The following AGMO variants were observed in gnomAD, a reference collection of about 807,000 sequenced individuals.
The protein encoded by AGMO is glyceryl-ether monooxygenase.
In AGMO, 75 loss-of-function variants were observed where a neutral mutation model predicts 60.2. The observed-to-expected ratio is 1.25, with a 90% CI of 1.03 to 1.51. The LOEUF (loss-of-function observed/expected upper bound fraction) is 1.51. AGMO is among the 40% of genes most tolerant of loss of function. AGMO has a pLI of 0.00. For synonymous variants in AGMO, 261 were observed against 177.1 expected (o/e 1.47, Z -3.76); for missense variants, 763 against 525.5 (o/e 1.45, Z -4.42).
At chr7:15,149,655 C>G in the AGMO span, among the ~76,000 whole-genome samples, 1 of 152,054 alleles carries the variant, frequency 6.6e-6, no homozygotes, top group African/African-American at 2.4e-5. Flanking sequence ...GTTCTCTAAC[C>G]TGTTCTATTG....
intron 3 of AGMO, among the ~76,000 whole-genome samples, chr7:15,457,624 T>C (rs1782032128): frequency 6.6e-6 from 1 of 152,196 alleles, no homozygotes; most frequent in South Asian, 2.1e-4. Flanking sequence ...GCCTCCAATT[T>C]GATTAATAAG....
chr7:15,293,062 T>C (rs1236870868), intron 12 of AGMO, among the ~76,000 whole-genome samples: 1 of 151,992 alleles, frequency 6.6e-6, no homozygotes, highest in Non-Finnish European at 1.5e-5. Context: ...TGCATCCGGC[T>C]CTTCCTCCAG....
rs1328121863 is a variant in AGMO at position 15,406,927 on chromosome 7, A to ATG, written c.609+11630_609+11631insCA. The stretch of plus-strand genomic sequence containing the variant: ...AAAGGCCCCTTTGTTTGGAATACAC[A>ATG]CGCGCACACACACACACACACACAC... On this transcript the variant is annotated intron_variant, in intron 5 of 12. Transcript: ENST00000342526. Among the ~76,000 whole-genome samples, 78 of 126,920 alleles carry ATG rather than the reference A, an allele frequency of 6.1e-4. 3 individuals are homozygous for ATG. Among genetic ancestry groups the ATG allele is most frequent in the African/African-American group, 2.4e-3 (76 of 31,660 alleles). 83.3% of individuals were successfully genotyped at this position (126,920 alleles called of 152,430 possible).
the AGMO span, among the ~76,000 whole-genome samples, chr7:15,193,554 T>TA: frequency 6.6e-6 from 1 of 152,156 alleles, no homozygotes; most frequent in Non-Finnish European, 1.5e-5. Flanking sequence ...TTGGAACTCT[T>TA]ATTATATAAT....
At chr7:15,453,546 G>A (rs1428316171) in intron 3 of AGMO, among the ~76,000 whole-genome samples, 1 of 152,212 alleles carries the variant, frequency 6.6e-6, no homozygotes, top group East Asian at 1.9e-4. Context: ...TTCTAACACA[G>A]AGCTAGAGAT....
At chr7:15,403,770 AAAAAT>A (rs1214648490) in intron 5 of AGMO, among the ~76,000 whole-genome samples, 5 of 152,012 alleles carry the variant, frequency 3.3e-5, no homozygotes, top group African/African-American at 1.2e-4. Context: ...GATGAAATGT[AAAAAT>A]AAAATCTTAA....
At chr7:15,258,538 G>A (rs1293180251) in intron 12 of AGMO, among the ~76,000 whole-genome samples, 1 of 151,228 alleles carries the variant, frequency 6.6e-6, no homozygotes, top group East Asian at 1.9e-4. Context: ...AACAGAGCAA[G>A]ACTCTTTCTC....
the AGMO span, among the ~76,000 whole-genome samples, chr7:15,142,584 T>C: frequency 6.6e-6 from 1 of 152,232 alleles, no homozygotes. Context: ...TCTTTTCTCC[T>C]CTACTTATCC....
At chr7:15,266,766 T>C (rs1293833867) in intron 12 of AGMO, among the ~76,000 whole-genome samples, 1 of 151,728 alleles carries the variant, frequency 6.6e-6, no homozygotes, top group Non-Finnish European at 1.5e-5. Context: ...TATATTTGCC[T>C]CACTTATGTT....
At chr7:15,553,799 C>T (rs1412392590) in intron 2 of AGMO, among the ~76,000 whole-genome samples, 1 of 152,020 alleles carries the variant, frequency 6.6e-6, no homozygotes, top group Non-Finnish European at 1.5e-5. Context: ...AGGTCTTGAG[C>T]AGACACCCAA....
intron 5 of AGMO, among the ~76,000 whole-genome samples, chr7:15,418,029 A>G (rs944209979): frequency 1.3e-4 from 20 of 152,100 alleles, no homozygotes; most frequent in Admixed American, 1.0e-3. Context: ...CTCTAAAATT[A>G]CATTTCTTCA....
At chr7:15,286,948 A>G (rs1439355875) in intron 12 of AGMO, among the ~76,000 whole-genome samples, 1 of 152,182 alleles carries the variant, frequency 6.6e-6, no homozygotes, top group Non-Finnish European at 1.5e-5. Flanking sequence ...GCTGGAGGCC[A>G]TTATTCTAAG....
chr7:15,297,345 C>T (rs1263878854), intron 12 of AGMO, among the ~76,000 whole-genome samples: 1 of 152,130 alleles, frequency 6.6e-6, no homozygotes, highest in Non-Finnish European at 1.5e-5. Context: ...GGTGGTGCTA[C>T]ATTTTACTAT....
chr7:15,203,374 T>A (rs1464668166), intron 12 of AGMO, among the ~76,000 whole-genome samples: 2 of 152,152 alleles, frequency 1.3e-5, no homozygotes, highest in African/African-American at 4.8e-5. Flanking sequence ...ACATCCTTTA[T>A]CCTCTAGGAC....
At chr7:15,430,280 T>A (rs1461594872) in intron 4 of AGMO, among the ~76,000 whole-genome samples, 1 of 151,936 alleles carries the variant, frequency 6.6e-6, no homozygotes, top group Non-Finnish European at 1.5e-5. Flanking sequence ...ATATTAAGTA[T>A]GTATGATTAC....
chr7:15,214,019 A>G lies in AGMO; in HGVS notation c.1264-12660T>C, dbSNP rs539570575. On this transcript the variant is annotated intron_variant, in intron 12 of 12. Transcript: ENST00000342526. ...TAATGTATTGTATATATCCAGTAACAAAATTAAACCTTTAAAATATTTAGT... is the reference window on the plus strand; with the variant it reads ...TAATGTATTGTATATATCCAGTAACGAAATTAAACCTTTAAAATATTTAGT... 3.9e-5 allele frequency among the ~76,000 whole-genome samples: 6 copies of G among 152,170 alleles called. No individual in the cohort carries two copies. In the South Asian group the frequency reaches 1.2e-3, roughly 32 times the overall value.
chr7:15,198,014 T>C (rs1236728182), downstream of AGMO, among the ~76,000 whole-genome samples: 1 of 152,126 alleles, frequency 6.6e-6, no homozygotes, highest in East Asian at 1.9e-4. Flanking sequence ...CCTAACAGGA[T>C]TGTAGAGACT....
At chr7:15,178,626 T>C in the AGMO span, among the ~76,000 whole-genome samples, 10 of 152,162 alleles carry the variant, frequency 6.6e-5, no homozygotes, top group African/African-American at 2.2e-4. Flanking sequence ...TGGCTGTATG[T>C]ACTTGGTACA....
chr7:15,219,953 T>C (rs897724062), intron 12 of AGMO, among the ~76,000 whole-genome samples: 30 of 152,150 alleles, frequency 2.0e-4, no homozygotes, highest in African/African-American at 7.0e-4. Flanking sequence ...AGATCTTTCC[T>C]GTTGTACAGC....
Sources: gnomAD v4.1 joint callset for allele counts (sites outside exome capture counted in the v4.1 genomes callset) on GRCh38, gnomAD v4.1.1 for gene constraint, MANE v1.5 for transcripts, NCBI Gene and HGNC (gene_info 2026-07-23, HGNC 2026-07-21) for gene names.